Variants in AKAP6 observed in about 807,000 individuals in gnomAD.
AKAP6 encodes the protein A-kinase anchoring protein 6.
Under a neutral mutation model 188.5 loss-of-function variants are expected in AKAP6, and 58 were observed. The ratio of observed to expected loss-of-function variants is 0.31; its 90% CI spans 0.25 to 0.38. The LOEUF (loss-of-function observed/expected upper bound fraction) is 0.38, where lower values mean the gene tolerates loss of function less well. AKAP6 is among the 10% of genes least tolerant of loss of function. The pLI, the probability that AKAP6 is intolerant of heterozygous loss-of-function variation, is 1.00. For synonymous variants in AKAP6, 989 were observed against 998.6 expected (o/e 0.99, Z 0.18); for missense variants, 2,710 against 2,740.0 (o/e 0.99, Z 0.24).
chr14:32,556,776 T>C (rs1038216753), intron 4 of AKAP6, among the ~76,000 whole-genome samples: 1 of 152,230 alleles, frequency 6.6e-6, no homozygotes, highest in Non-Finnish European at 1.5e-5. Context: ...CATTTATCTA[T>C]CTTTGCTTTT....
chr14:32,580,898 C>T (rs898054917), intron 5 of AKAP6, among the ~76,000 whole-genome samples: 1 of 152,184 alleles, frequency 6.6e-6, no homozygotes, highest in Non-Finnish European at 1.5e-5. Flanking sequence ...TTTTTTATGG[C>T]TGCATAGTAT....
intron 2 of AKAP6, among the ~76,000 whole-genome samples, chr14:32,520,654 T>C (rs887071378): frequency 1.3e-5 from 2 of 152,114 alleles, no homozygotes; most frequent in African/African-American, 2.4e-5. Context: ...CAGGAAGAAG[T>C]TGAATCTCTT....
At chr14:32,671,097 T>A (rs1404150073) in intron 7 of AKAP6, among the ~76,000 whole-genome samples, 3 of 152,140 alleles carry the variant, frequency 2.0e-5, no homozygotes, top group Non-Finnish European at 4.4e-5. Flanking sequence ...GATAAGTATG[T>A]AGGAAAGAGG....
At position 32,554,714 on chromosome 14, in the gene AKAP6, T is replaced by C. The variant is rs116272093; in HGVS notation, c.2346+7715T>C. 3.2e-3 allele frequency among the ~76,000 whole-genome samples: 487 copies of C among 152,252 alleles called. 3 individuals carry two copies. Among genetic ancestry groups the C allele is most frequent in the African/African-American group, 0.011 (462 of 41,552 alleles). Reference sequence around the variant, plus strand: ...ACTGGTTGGTAAGTAGCCACTTGTATAAGGTGGGTAATTATTGATGCTGGG... The same window carrying C: ...ACTGGTTGGTAAGTAGCCACTTGTACAAGGTGGGTAATTATTGATGCTGGG... On this transcript the variant is annotated intron_variant, in intron 4 of 13. Transcript: ENST00000280979.
At chr14:32,523,180 G>A (rs1036227035) in intron 2 of AKAP6, among the ~76,000 whole-genome samples, 1 of 151,874 alleles carries the variant, frequency 6.6e-6, no homozygotes, top group African/African-American at 2.4e-5. Flanking sequence ...CCTGTCTTGG[G>A]GTGGGGGAAG....
At chr14:32,420,075 CT>C (rs762010518) in intron 1 of AKAP6, among the ~76,000 whole-genome samples, 11 of 151,954 alleles carry the variant, frequency 7.2e-5, no homozygotes, top group Admixed American at 2.6e-4. Flanking sequence ...ATTTTTTAAG[CT>C]TTATGTTTGC....
chr14:32,649,538 C>T (rs1266426783), intron 7 of AKAP6, among the ~76,000 whole-genome samples: 1 of 152,066 alleles, frequency 6.6e-6, no homozygotes. Context: ...TTACAATAAA[C>T]TCCAATGTAA....
intron 11 of AKAP6, among the ~76,000 whole-genome samples, chr14:32,750,622 T>G (rs2032088187): frequency 6.6e-6 from 1 of 151,868 alleles, no homozygotes; most frequent in African/African-American, 2.4e-5. Flanking sequence ...TCTTAGATAC[T>G]TAGGAGGCTG....
At chr14:32,571,407 G>A (rs571676942) in intron 4 of AKAP6, among the ~76,000 whole-genome samples, 2 of 152,208 alleles carry the variant, frequency 1.3e-5, no homozygotes, top group East Asian at 3.9e-4. Flanking sequence ...GTGTGCACCT[G>A]TAGTCCCAGC....
At chr14:32,742,321 T>C (rs921737208) in intron 11 of AKAP6, among the ~76,000 whole-genome samples, 1 of 145,886 alleles carries the variant, frequency 6.9e-6, no homozygotes, top group Non-Finnish European at 1.5e-5. Flanking sequence ...AATGACTTTT[T>C]ATTTCCTTGA....
chr14:32,582,635 G>A (rs538240662), intron 5 of AKAP6, among the ~76,000 whole-genome samples: 2 of 152,184 alleles, frequency 1.3e-5, no homozygotes, highest in South Asian at 2.1e-4. Context: ...CCAATCAGAC[G>A]TAGATTTGGT....
At chr14:32,686,953 A>C (rs1234153383) in intron 8 of AKAP6, among the ~76,000 whole-genome samples, 1 of 152,196 alleles carries the variant, frequency 6.6e-6, no homozygotes, top group Non-Finnish European at 1.5e-5. Flanking sequence ...GAACACAGGA[A>C]TAGTTCATCC....
chr14:32,619,251 T>C (rs1016600095), intron 7 of AKAP6, among the ~76,000 whole-genome samples: 1 of 152,184 alleles, frequency 6.6e-6, no homozygotes, highest in Non-Finnish European at 1.5e-5. Context: ...ATACATTCTT[T>C]GCCTAAGCCA....
At chr14:32,739,029 G>A (rs1019383806) in intron 11 of AKAP6, among the ~76,000 whole-genome samples, 1 of 152,076 alleles carries the variant, frequency 6.6e-6, no homozygotes, top group African/African-American at 2.4e-5. Context: ...TACAGTCTGT[G>A]TCATCTTTAA....
intron 2 of AKAP6, among the ~76,000 whole-genome samples, chr14:32,479,253 C>T (rs758046588): frequency 4.0e-5 from 6 of 151,882 alleles, no homozygotes; most frequent in African/African-American, 7.3e-5. Flanking sequence ...AAGTAAACAT[C>T]GACTCCTCAC....
chr14:32,510,908 G>C (rs1881223612), intron 2 of AKAP6, among the ~76,000 whole-genome samples: 1 of 152,066 alleles, frequency 6.6e-6, no homozygotes, highest in Admixed American at 6.6e-5. Flanking sequence ...GGCTCCTTGG[G>C]GTCACTGATG....
chr14:32,688,557 G>T (rs1425386835), intron 8 of AKAP6, among the ~76,000 whole-genome samples: 2 of 152,108 alleles, frequency 1.3e-5, no homozygotes, highest in Non-Finnish European at 2.9e-5. Context: ...ATCTATCAGA[G>T]AATTCATAGT....
At chr14:32,500,396 A>G (rs1184862200) in intron 2 of AKAP6, among the ~76,000 whole-genome samples, 1 of 152,180 alleles carries the variant, frequency 6.6e-6, no homozygotes, top group African/African-American at 2.4e-5. Context: ...TGTGATTCTT[A>G]TTACAAGGAC....
intron 4 of AKAP6, among the ~76,000 whole-genome samples, chr14:32,547,931 A>G (rs557725252): frequency 4.7e-4 from 72 of 152,182 alleles, no homozygotes; most frequent in African/African-American, 1.6e-3. Flanking sequence ...GAGATTCACT[A>G]TGATTACTGT....
Sources: allele counts gnomAD v4.1 joint callset (sites outside exome capture counted in the v4.1 genomes callset), GRCh38; gene constraint gnomAD v4.1.1; transcripts MANE v1.5; gene names NCBI Gene and HGNC (gene_info 2026-07-23, HGNC 2026-07-21).